NXNL2: variants seen among roughly 807,000 people sequenced by gnomAD.
The protein encoded by NXNL2 is nucleoredoxin-like protein 2.
NXNL2 carries 7 observed loss-of-function variants against 11.1 expected under a neutral mutation model. The observed-to-expected ratio is 0.63, with a 90% CI of 0.36 to 1.18. The LOEUF is 1.18. Among genes scored for constraint, NXNL2 ranks in the 50% most tolerant of loss-of-function variants. The pLI, the probability that NXNL2 is intolerant of heterozygous loss-of-function variation, is 0.02. For missense variants in NXNL2, 233 were observed against 217.7 expected (o/e 1.07, Z -0.44); for synonymous variants, 109 against 101.8 (o/e 1.07, Z -0.42).
downstream of NXNL2, among the ~76,000 whole-genome samples, chr9:88,547,550 C>T (rs1222074474): frequency 2.6e-5 from 4 of 152,262 alleles, no homozygotes; most frequent in East Asian, 1.9e-4. Context: ...TGACTTAGGC[C>T]GAATTTACAA....
chr9:88,535,774 A>C, intron 1 of NXNL2, 38 bp downstream of exon 1: 1 of 1,496,582 alleles, frequency 6.7e-7, no homozygotes, highest in Non-Finnish European at 8.9e-7. Flanking sequence ...GCCGCCCGGC[A>C]CGTCTCCCCC....
At chr9:88,559,579 G>A (rs1262524105) in intron 1 of NXNL2, among the ~76,000 whole-genome samples, 1 of 152,178 alleles carries the variant, frequency 6.6e-6, no homozygotes, top group African/African-American at 2.4e-5. Context: ...CCTTGAATGG[G>A]GATTCAAGGG....
intron 1 of NXNL2, among the ~76,000 whole-genome samples, chr9:88,581,056 C>T (rs1313252355): frequency 2.6e-5 from 4 of 152,128 alleles, no homozygotes; most frequent in Admixed American, 6.6e-5. Context: ...TGATGCTAAC[C>T]CGGCTCACCT....
intron 1 of NXNL2, among the ~76,000 whole-genome samples, chr9:88,568,390 G>T (rs1024415295): frequency 3.3e-5 from 5 of 152,122 alleles, no homozygotes; most frequent in Non-Finnish European, 7.4e-5. Context: ...AGAGCCCGGG[G>T]GTGTCGTCCC....
intron 1 of NXNL2, among the ~76,000 whole-genome samples, chr9:88,558,758 T>G (rs1390092013): frequency 1.3e-5 from 2 of 152,148 alleles, no homozygotes; most frequent in Admixed American, 1.3e-4. Flanking sequence ...CTGGTTGATG[T>G]GTAGGGAAAA....
At chr9:88,541,861 T>C (rs1829768173) in intron 1 of NXNL2, among the ~76,000 whole-genome samples, 1 of 152,246 alleles carries the variant, frequency 6.6e-6, no homozygotes, top group Non-Finnish European at 1.5e-5. Flanking sequence ...CATATTGTTT[T>C]GTTTTAAATA....
At chr9:88,551,633 A>G (rs1451663443) in intron 1 of NXNL2, among the ~76,000 whole-genome samples, 2 of 152,100 alleles carry the variant, frequency 1.3e-5, no homozygotes, top group Non-Finnish European at 2.9e-5. Flanking sequence ...TGTTCACCCC[A>G]AGTGGCTTCC....
chr9:88,572,703 C>T (rs766539419), intron 2 of NXNL2, among the ~76,000 whole-genome samples: 7 of 152,168 alleles, frequency 4.6e-5, no homozygotes, highest in East Asian at 3.9e-4. Flanking sequence ...GCTTTAATGA[C>T]GGACACCTTA....
intron 1 of NXNL2, chr9:88,539,576 C>T (rs1385530601): frequency 6.6e-6 from 1 of 152,334 alleles, no homozygotes; most frequent in African/African-American, 2.4e-5. Flanking sequence ...TAAAATAACC[C>T]ATTTGCCAAA....
Position 88,575,468 on chromosome 9 carries a change from G to A in NXNL2, c.*398G>A, listed in dbSNP as rs576286330. 3.4e-4 allele frequency: 52 copies of A among 152,308 alleles called. 1 individual carries two copies. The highest frequency in any genetic ancestry group is 1.2e-3 in the African/African-American group (50 of 41,554). The allele number at this position is 152,308 out of a possible 1,614,324, so 9.4% of individuals were successfully genotyped here. ...CATTTGCAATAATATAGATGGAAAA[G>A]GAGGCCCTTATGTGAAGTGAAATAA... On this transcript the variant is annotated 3_prime_UTR_variant, in exon 3 of 3. Coordinates refer to the NXNL2 transcript ENST00000375855.
At chr9:88,540,148 C>T (rs375210104) in intron 1 of NXNL2, among the ~76,000 whole-genome samples, 8 of 151,778 alleles carry the variant, frequency 5.3e-5, no homozygotes, top group Admixed American at 6.6e-5. Flanking sequence ...CTGGCTAACA[C>T]GGTGAAACCC....
intron 2 of NXNL2, among the ~76,000 whole-genome samples, chr9:88,572,903 C>T (rs1182278555): frequency 6.6e-6 from 1 of 152,212 alleles, no homozygotes; most frequent in Non-Finnish European, 1.5e-5. Flanking sequence ...CTGTGTCCCA[C>T]AAGAGGCCAT....
Position 88,544,665 on chromosome 9 carries a change from C to A in NXNL2, c.*118C>A. 1.4e-6 allele frequency: 2 copies of A among 1,429,960 alleles called. No homozygotes were observed. Among genetic ancestry groups the A allele is most frequent in the Non-Finnish European group, 9.2e-7 (1 of 1,090,732 alleles). 88.6% of individuals were successfully genotyped at this position (1,429,960 alleles called of 1,614,324 possible). A position where few individuals can be genotyped will look rare whatever the true frequency, so the allele number is the denominator to read the frequency against. On this transcript the variant is annotated 3_prime_UTR_variant, in exon 2 of 2. Transcript: ENST00000375854. ...GGTGTGATTTCATTGTATTTCAGAG[C>A]AGAAGCACTAAGCTGTGGTCAAAAA...
At chr9:88,536,702 G>C (rs1029642581) in intron 1 of NXNL2, among the ~76,000 whole-genome samples, 1 of 152,216 alleles carries the variant, frequency 6.6e-6, no homozygotes, top group Non-Finnish European at 1.5e-5. Flanking sequence ...ACTTTGGAAA[G>C]TTTTGTAGAT....
At chr9:88,565,925 A>G (rs1830163838) in intron 1 of NXNL2, among the ~76,000 whole-genome samples, 2 of 152,188 alleles carry the variant, frequency 1.3e-5, no homozygotes, top group African/African-American at 4.8e-5. Flanking sequence ...CATTTCCCTG[A>G]TAATTAGTGA....
At position 88,544,593 on chromosome 9, in the gene NXNL2, C is replaced by T. The variant is rs1216722097; in HGVS notation, c.*46C>T. 4.1e-6 allele frequency: 6 copies of T among 1,469,416 alleles called. No individual in the cohort carries two copies. The East Asian group carries it at 7.6e-5, about 19-fold the overall frequency. The allele number at this position is 1,469,416 out of a possible 1,614,324, so 91.0% of individuals were successfully genotyped here. On this transcript the variant is annotated 3_prime_UTR_variant, in exon 2 of 2. Transcript: ENST00000375854. ...GCCAGGACAGGTGCTGCTTCTCCAG[C>T]ACCGACGCTGGGGCAAAGAGGAGCA...
At chr9:88,567,944 G>A (rs1446549398) in intron 1 of NXNL2, among the ~76,000 whole-genome samples, 1 of 152,188 alleles carries the variant, frequency 6.6e-6, no homozygotes, top group Non-Finnish European at 1.5e-5. Context: ...CTTGGGTGAT[G>A]CTGGGTGCCA....
At chr9:88,558,609 A>T (rs947300064) in intron 1 of NXNL2, among the ~76,000 whole-genome samples, 2 of 152,122 alleles carry the variant, frequency 1.3e-5, no homozygotes, top group Admixed American at 1.3e-4. Flanking sequence ...TGTCTGAAGT[A>T]GAAGAGGCCG....
At chr9:88,571,046 C>T (rs760048177) in intron 1 of NXNL2, 71 of 402,774 alleles carry the variant, frequency 1.8e-4, no homozygotes, top group Non-Finnish European at 3.1e-4. Context: ...GCCAGGTCCC[C>T]AATACTGTTT....
Sources: gnomAD v4.1 joint callset for allele counts (sites outside exome capture counted in the v4.1 genomes callset) on GRCh38, gnomAD v4.1.1 for gene constraint, MANE v1.5 for transcripts, NCBI Gene and HGNC (gene_info 2026-07-23, HGNC 2026-07-21) for gene names.